The following NBEA variants were observed in gnomAD, a reference collection of about 807,000 sequenced individuals.
The protein encoded by NBEA is lysosomal-trafficking regulator 2.
Under a neutral mutation model 343.4 loss-of-function variants are expected in NBEA, and 44 were observed. The observed-to-expected ratio is 0.13, with a 90% CI of 0.10 to 0.16. NBEA has a LOEUF of 0.16. Among genes scored for constraint, NBEA ranks in the 10% least tolerant of loss-of-function variants. The pLI is 1.00. For missense variants in NBEA, 2,555 were observed against 3,631.3 expected (o/e 0.70, Z 7.62); for synonymous variants, 1,175 against 1,238.7 (o/e 0.95, Z 1.08).
chr13:35,168,018 C>A (rs2070170435), intron 24 of NBEA, among the ~76,000 whole-genome samples: 1 of 151,730 alleles, frequency 6.6e-6, no homozygotes, highest in Non-Finnish European at 1.5e-5. Context: ...GCTGCTTTTT[C>A]TATTCTGTCC....
chr13:35,253,055 T>A (rs1304480242), intron 34 of NBEA, among the ~76,000 whole-genome samples: 1 of 152,148 alleles, frequency 6.6e-6, no homozygotes, highest in East Asian at 1.9e-4. Context: ...GGCTCACTCA[T>A]TCACAGACTG....
intron 1 of NBEA, among the ~76,000 whole-genome samples, chr13:35,009,336 A>G (rs2061411656): frequency 6.6e-6 from 1 of 152,196 alleles, no homozygotes; most frequent in African/African-American, 2.4e-5. Context: ...GGAGAGCATA[A>G]TGCAGGGAAA....
At chr13:35,398,763 T>G (rs193290909) in intron 38 of NBEA, among the ~76,000 whole-genome samples, 1 of 152,186 alleles carries the variant, frequency 6.6e-6, no homozygotes, top group Admixed American at 6.6e-5. Context: ...AGCATAACAC[T>G]TAAGGGCCCT....
intron 46 of NBEA, among the ~76,000 whole-genome samples, chr13:35,588,317 A>G (rs1593300253): frequency 6.6e-6 from 1 of 152,124 alleles, no homozygotes; most frequent in East Asian, 1.9e-4. Context: ...CTTATGGTCC[A>G]GGGAATTGTA....
chr13:35,172,167 C>T (rs2070512440), intron 26 of NBEA, among the ~76,000 whole-genome samples: 1 of 151,930 alleles, frequency 6.6e-6, no homozygotes, highest in Admixed American at 6.6e-5. Flanking sequence ...CTGTTTTCAC[C>T]CATAACTTTT....
chr13:35,586,682 A>T (rs1483913779), intron 46 of NBEA, among the ~76,000 whole-genome samples: 1 of 151,912 alleles, frequency 6.6e-6, no homozygotes, highest in East Asian at 1.9e-4. Context: ...TCTCTTTTTT[A>T]TTTTCTGTTA....
Position 35,497,712 on chromosome 13 carries a change from A to C in NBEA, c.6585+25176A>C, listed in dbSNP as rs572113807. Among the ~76,000 whole-genome samples the C allele has an allele frequency of 1.8e-4, 27 of 152,156 alleles. No homozygotes were observed. The Middle Eastern group carries it at 0.01, about 58-fold the overall frequency. ...GACATGTATATTATCTCTTTTAATG[A>C]TAGGCAAATGAGGAATCAACTCTTA... is the stretch of plus-strand genomic sequence containing the variant. On this transcript the variant is annotated intron_variant, in intron 41 of 58. Coordinates refer to ENST00000379939, the MANE Select transcript of NBEA (RefSeq NM_001385012.1).
chr13:35,444,856 A>G (rs1210062897), intron 39 of NBEA, among the ~76,000 whole-genome samples: 1 of 152,148 alleles, frequency 6.6e-6, no homozygotes, highest in Non-Finnish European at 1.5e-5. Flanking sequence ...TTTATTTAAT[A>G]TCTTTAAATG....
chr13:34,981,945 G>GTTC (rs1246226578), intron 1 of NBEA, among the ~76,000 whole-genome samples: 1 of 150,510 alleles, frequency 6.6e-6, no homozygotes, highest in Non-Finnish European at 1.5e-5. Flanking sequence ...GATAATTTAT[G>GTTC]TTCTCTCTTC....
At chr13:35,178,871 C>A (rs117453286) in intron 28 of NBEA, among the ~76,000 whole-genome samples, 1 of 151,002 alleles carries the variant, frequency 6.6e-6, no homozygotes, top group Non-Finnish European at 1.5e-5. Context: ...GAATAGTCAT[C>A]CTGAAAAAAT....
intron 34 of NBEA, among the ~76,000 whole-genome samples, chr13:35,274,446 A>G (rs1257176299): frequency 2.0e-5 from 3 of 152,238 alleles, no homozygotes; most frequent in East Asian, 3.8e-4. Flanking sequence ...CCCTTTGACA[A>G]CTGGCACAAG....
intron 34 of NBEA, among the ~76,000 whole-genome samples, chr13:35,243,747 G>T (rs2030722336): frequency 1.3e-5 from 2 of 151,876 alleles, no homozygotes; most frequent in Admixed American, 6.6e-5. Context: ...GTTCCTAAGT[G>T]TAAGAAGCAA....
At chr13:34,977,382 C>T (rs1168769506) in intron 1 of NBEA, among the ~76,000 whole-genome samples, 1 of 151,078 alleles carries the variant, frequency 6.6e-6, no homozygotes, top group Non-Finnish European at 1.5e-5. Flanking sequence ...GATCTTGGCT[C>T]ACTGCAACCC....
intron 47 of NBEA, among the ~76,000 whole-genome samples, chr13:35,593,969 A>G (rs1274839190): frequency 2.0e-5 from 3 of 152,240 alleles, no homozygotes; most frequent in East Asian, 3.9e-4. Flanking sequence ...CAACACACAC[A>G]CAATATCCAG....
chr13:34,995,292 A>C (rs959648709), intron 1 of NBEA, among the ~76,000 whole-genome samples: 3 of 152,144 alleles, frequency 2.0e-5, no homozygotes, highest in Non-Finnish European at 4.4e-5. Flanking sequence ...ATCTGTATGA[A>C]TAATACAAAA....
At chr13:35,142,087 A>G (rs1450171580) in intron 17 of NBEA, among the ~76,000 whole-genome samples, 182 bp from the exon 18 acceptor site, 1 of 152,260 alleles carries the variant, frequency 6.6e-6, no homozygotes, top group Non-Finnish European at 1.5e-5. Flanking sequence ...TTTAACTAAT[A>G]GTCTTGGAAC....
intron 8 of NBEA, among the ~76,000 whole-genome samples, chr13:35,069,003 A>G (rs2063762420): frequency 1.3e-5 from 2 of 152,146 alleles, no homozygotes; most frequent in African/African-American, 4.8e-5. Flanking sequence ...TTATAACATT[A>G]GAGTAAGAAA....
chr13:35,174,095 C>G (rs1185500976), intron 27 of NBEA, among the ~76,000 whole-genome samples: 3 of 152,054 alleles, frequency 2.0e-5, no homozygotes, highest in Admixed American at 6.6e-5. Flanking sequence ...TGTGCCTGGT[C>G]CTTGCTTACT....
At chr13:35,494,833 A>C (rs1026074332) in intron 41 of NBEA, among the ~76,000 whole-genome samples, 1 of 151,858 alleles carries the variant, frequency 6.6e-6, no homozygotes, top group Non-Finnish European at 1.5e-5. Context: ...AACATGGCAA[A>C]ACTCCATCTC....
Sources: gnomAD v4.1 joint callset for allele counts (sites outside exome capture counted in the v4.1 genomes callset) on GRCh38, gnomAD v4.1.1 for gene constraint, MANE v1.5 for transcripts, NCBI Gene and HGNC (gene_info 2026-07-23, HGNC 2026-07-21) for gene names.